CKAP5: variants seen among roughly 807,000 people sequenced by gnomAD.
The protein encoded by CKAP5 is cytoskeleton associated protein 5.
A neutral mutation model predicts 232.8 loss-of-function variants in CKAP5; 27 were observed. That is an observed-to-expected ratio of 0.12 (90% CI 0.09 to 0.16). CKAP5 has a LOEUF of 0.16. Among genes scored for constraint, CKAP5 ranks in the 10% least tolerant of loss-of-function variants. CKAP5 has a pLI of 1.00. For synonymous variants in CKAP5, 785 were observed against 841.1 expected (o/e 0.93, Z 1.16); for missense variants, 1,838 against 2,424.7 (o/e 0.76, Z 5.08).
chr11:46,821,954 G>A (rs1270763332), intron 1 of CKAP5, among the ~76,000 whole-genome samples: 2 of 152,046 alleles, frequency 1.3e-5, no homozygotes, highest in African/African-American at 2.4e-5. Context: ...CAGGAGAATC[G>A]CTTGAACCTG....
intron 31 of CKAP5, 155 bp from the exon 32 acceptor site, chr11:46,762,348 A>T: frequency 1.1e-6 from 1 of 928,672 alleles, no homozygotes; most frequent in Non-Finnish European, 1.7e-6. Flanking sequence ...ATCAGTGAAA[A>T]AATGGTATTT....
At chr11:46,795,852 C>T (rs1249595759) in intron 12 of CKAP5, 76 bp from the exon 13 acceptor site, 2 of 1,239,536 alleles carry the variant, frequency 1.6e-6, no homozygotes, top group Non-Finnish European at 1.2e-6. Flanking sequence ...CATTTCTAAA[C>T]CACAACTACA....
At chr11:46,836,470 C>A (rs1939920726) in intron 1 of CKAP5, among the ~76,000 whole-genome samples, 1 of 152,062 alleles carries the variant, frequency 6.6e-6, no homozygotes, top group Non-Finnish European at 1.5e-5. Flanking sequence ...CCTAGCATTT[C>A]AGGAGGCTGA....
chr11:46,840,832 A>G lies in CKAP5; in HGVS notation c.-38+5388T>C, dbSNP rs182965687. Reference sequence around the variant, plus strand: ...CCCAAGGCAGGGAATGGGGGGCGGTATTAGGAATGCCCATTTTTATAGTCA... The same window carrying G: ...CCCAAGGCAGGGAATGGGGGGCGGTGTTAGGAATGCCCATTTTTATAGTCA... On this transcript the variant is annotated intron_variant, in intron 1 of 43. Transcript: ENST00000529230. 2.8e-3 allele frequency among the ~76,000 whole-genome samples: 420 copies of G among 152,290 alleles called. 2 individuals carry two copies. The highest frequency in any genetic ancestry group is 9.6e-3 in the African/African-American group (398 of 41,548).
chr11:46,816,073 CG>C (rs1939391625), intron 4 of CKAP5, 124 bp downstream of exon 4: 9 of 573,428 alleles, frequency 1.6e-5, no homozygotes, highest in Non-Finnish European at 1.4e-5. Flanking sequence ...CATCTCAAAA[CG>C]ACCCCCCCAT....
chr11:46,758,739 C>A, intron 35 of CKAP5, 184 bp downstream of exon 35: 1 of 549,356 alleles, frequency 1.8e-6, no homozygotes, highest in Non-Finnish European at 3.1e-6. Flanking sequence ...AAATAAGGCT[C>A]TATTAGAGTC....
At position 46,753,437 on chromosome 11, in the gene CKAP5, G is replaced by A. The variant is rs1218985921; in HGVS notation, c.4930C>T (p.His1644Tyr). The A allele has an allele frequency of 6.2e-7, 1 of 1,613,962 alleles. No homozygotes were observed. Among genetic ancestry groups the A allele is most frequent in the Admixed American group, 1.7e-5 (1 of 59,982 alleles). ...ASTGVLKDLM[H>Y]GLITLMLDSR... ...TCCAGCATTAAGGTGATGAGGCCAT[G>A]CATTAGGTCTTTTAGTACTCCAGTG... Residue 1644 changes from histidine to tyrosine, a missense_variant, in exon 37 of 44, where the codon CAT (histidine) becomes TAT (tyrosine). Transcript: ENST00000529230.
chr11:46,767,660 G>A lies in CKAP5; in HGVS notation c.3326C>T (p.Pro1109Leu), dbSNP rs1181568490. 6.2e-7 allele frequency: 1 copy of A among 1,601,012 alleles called. No homozygotes were observed. Among genetic ancestry groups the A allele is most frequent in the Non-Finnish European group, 8.5e-7 (1 of 1,172,304 alleles). The change falls in exon 27 of 44, where the codon CCT becomes CTT. Residue 1109 changes from proline to leucine, a missense_variant. Pro to Leu is a moderately conservative substitution (Grantham distance 98). Around this residue, in one of 6 missense-constraint regions of CKAP5, gnomAD observed 767 missense variants for 954.6 expected, o/e 0.80. Coordinates refer to ENST00000529230, the MANE Select transcript of CKAP5 (RefSeq NM_001008938.4). The part of the protein sequence containing the change: ...APAKFQPASA[P>L]AEDCISSSTE... ...ACTGCTGGAAATACAATCTTCAGCA[G>A]GTGCTTTGAGGAAAAAAATATATAT...
At chr11:46,837,737 C>T (rs776952424) in intron 1 of CKAP5, among the ~76,000 whole-genome samples, 33 of 152,014 alleles carry the variant, frequency 2.2e-4, no homozygotes, top group Non-Finnish European at 4.0e-4. Flanking sequence ...GCTGGAACAA[C>T]CTGAACAACA....
intron 16 of CKAP5, among the ~76,000 whole-genome samples, chr11:46,787,783 TTATATAAAG>T (rs2065408853): frequency 6.6e-6 from 1 of 152,186 alleles, no homozygotes; most frequent in African/African-American, 2.4e-5. Flanking sequence ...AAATTCCTAA[TTATATAAAG>T]TTATACAGTT....
intron 8 of CKAP5, among the ~76,000 whole-genome samples, chr11:46,802,967 A>G (rs912051666): frequency 3.9e-5 from 6 of 152,228 alleles, no homozygotes; most frequent in Non-Finnish European, 7.4e-5. Flanking sequence ...TATTATTTCA[A>G]CTTTGCAGAT....
chr11:46,832,116 T>G (rs1229334639), intron 1 of CKAP5, among the ~76,000 whole-genome samples: 1 of 152,144 alleles, frequency 6.6e-6, no homozygotes, highest in Non-Finnish European at 1.5e-5. Flanking sequence ...TGCCTCAGCC[T>G]CCCAAAGTGC....
At position 46,760,613 on chromosome 11, in the gene CKAP5, T is replaced by C; in HGVS notation, c.4393A>G (p.Asn1465Asp). Residue 1465 changes from asparagine to aspartate, a missense_variant and splice_region_variant, in exon 33 of 44, where the codon AAC becomes GAC. Coordinates refer to ENST00000529230, the MANE Select transcript of CKAP5 (RefSeq NM_001008938.4). The stretch of plus-strand genomic sequence containing the variant: ...AGACAAGTATCTCTATCTACATACT[T>C]GAGTTTGGAAGACATGTCCTCAGCT... ...GPAEDMSSKL[N>D]QARSMSGHPE... 2 of 1,614,092 alleles carry C rather than the reference T, an allele frequency of 1.2e-6. No individual in the cohort carries two copies. The highest frequency in any genetic ancestry group is 1.7e-6 in the Non-Finnish European group (2 of 1,179,948).
intron 27 of CKAP5, 149 bp from the exon 28 acceptor site, chr11:46,765,405 G>C: frequency 1.4e-6 from 1 of 705,710 alleles, no homozygotes; most frequent in Non-Finnish European, 2.1e-6. Context: ...ACAGAATCTT[G>C]TATATGTTTT....
rs2065300836 is a variant in CKAP5 at position 46,777,468 on chromosome 11, G to C, written c.2833C>G (p.Pro945Ala). 1 of 1,612,606 alleles carries C rather than the reference G, an allele frequency of 6.2e-7. No homozygotes were observed. Among genetic ancestry groups the C allele is most frequent in the African/African-American group, 1.3e-5 (1 of 74,888 alleles). ...IKQHVKNLGI[P>A]IITVLGDSKN... is the part of the protein sequence containing the mutation. ...CTGTCTCCAAGGACTGTGATGATAG[G>C]GATGCCTAAATTTTTTACATGTTGC... The change falls in exon 23 of 44, where the codon CCT becomes GCT. Residue 945 changes from proline (P) to alanine (A), a missense_variant. Physicochemically the swap from Pro to Ala is conservative, Grantham distance 27 (BLOSUM62 -1). Coordinates refer to ENST00000529230, the MANE Select transcript of CKAP5 (RefSeq NM_001008938.4).
Position 46,817,206 on chromosome 11 carries a change from C to A in CKAP5, c.252-802G>T, listed in dbSNP as rs192141908. On this transcript the variant is annotated intron_variant, in intron 3 of 43. Coordinates refer to ENST00000529230, the MANE Select transcript of CKAP5 (RefSeq NM_001008938.4). ...TATAGCTCACTGTGACCTCAAACTCCTGGGCTCAAGCGATCTTCCTGCCTC... is the reference window on the plus strand; with the variant it reads ...TATAGCTCACTGTGACCTCAAACTCATGGGCTCAAGCGATCTTCCTGCCTC... Among the ~76,000 whole-genome samples the A allele has an allele frequency of 2.8e-3, 423 of 152,176 alleles. 2 individuals are homozygous for A. Among genetic ancestry groups the A allele is most frequent in the African/African-American group, 9.7e-3 (401 of 41,544 alleles).
In CKAP5 at chr11:46,767,619, C is replaced by G; in HGVS notation, c.3367G>C (p.Asp1123His). 6.2e-7 allele frequency: 1 copy of G among 1,612,590 alleles called. No individual in the cohort carries two copies. Among genetic ancestry groups the G allele is most frequent in the Non-Finnish European group, 8.5e-7 (1 of 1,179,194 alleles). The change falls in exon 27 of 44, where the codon GAT becomes CAT. Residue 1123 changes from aspartate (D) to histidine (H), a missense_variant. By Grantham distance (81) the Asp-to-His change is moderately conservative. This residue lies in a region of CKAP5 where 767 missense variants were observed against 954.6 expected (regional missense o/e 0.80). Coordinates refer to ENST00000529230, the MANE Select transcript of CKAP5 (RefSeq NM_001008938.4). The part of the protein sequence containing the change: ...CISSSTEPKP[D>H]PKKAKAPGLS... ...CCTGGAGCTTTGGCCTTTTTTGGATCAGGTTTGGGTTCTGTACTGCTGGAA... is the reference window on the plus strand; with the variant it reads ...CCTGGAGCTTTGGCCTTTTTTGGATGAGGTTTGGGTTCTGTACTGCTGGAA...
chr11:46,769,936 C>T (rs1006546991), intron 26 of CKAP5, 27 bp downstream of exon 26: 3 of 1,613,056 alleles, frequency 1.9e-6, no homozygotes, highest in Non-Finnish European at 2.5e-6. Context: ...ATTTCCTTCC[C>T]CTTTAACCTT....
chr11:46,761,269 A>G (rs1204849658), intron 32 of CKAP5, among the ~76,000 whole-genome samples: 6 of 151,368 alleles, frequency 4.0e-5, no homozygotes, highest in Non-Finnish European at 3.0e-5. Flanking sequence ...AAAAAAAGAA[A>G]CGATAAAAAA....
Sources: allele counts gnomAD v4.1 joint callset (sites outside exome capture counted in the v4.1 genomes callset), GRCh38; gene constraint gnomAD v4.1.1; regional missense constraint gnomAD v4.1.1; transcripts MANE v1.5; gene names NCBI Gene and HGNC (gene_info 2026-07-23, HGNC 2026-07-21).